The following FGF7 variants were observed in gnomAD, a reference collection of about 807,000 sequenced individuals.
FGF7 encodes FGF-7.
FGF7 carries 6 observed loss-of-function variants against 20.5 expected under a neutral mutation model. That is an observed-to-expected ratio of 0.29 (90% CI 0.16 to 0.58). FGF7 has a LOEUF of 0.58. Ranked by LOEUF, FGF7 falls within the 20% of genes least tolerant of loss-of-function variation. The pLI, the probability that FGF7 is intolerant of heterozygous loss-of-function variation, is 0.90. For synonymous variants in FGF7, 64 were observed against 74.7 expected (o/e 0.86, Z 0.74); for missense variants, 144 against 228.8 (o/e 0.63, Z 2.39).
intron 2 of FGF7, among the ~76,000 whole-genome samples, chr15:49,470,119 G>A (rs62012207): frequency 6.6e-6 from 1 of 152,000 alleles, no homozygotes; most frequent in African/African-American, 2.4e-5. Flanking sequence ...GAAGACCACG[G>A]TATTATGATC....
At chr15:49,478,087 A>G (rs1427109132) in intron 2 of FGF7, among the ~76,000 whole-genome samples, 1 of 152,194 alleles carries the variant, frequency 6.6e-6, no homozygotes, top group Admixed American at 6.5e-5. Flanking sequence ...CCCCGCCAGT[A>G]GTCCCCAGTG....
intron 2 of FGF7, among the ~76,000 whole-genome samples, chr15:49,438,318 T>C (rs1395922015): frequency 6.6e-6 from 1 of 151,744 alleles, no homozygotes; most frequent in African/African-American, 2.4e-5. Flanking sequence ...TATTACTTTG[T>C]TAAAAATTTA....
chr15:49,453,211 TTAATC>T (rs1451190969), intron 2 of FGF7, among the ~76,000 whole-genome samples: 1 of 152,044 alleles, frequency 6.6e-6, no homozygotes, highest in East Asian at 1.9e-4. Context: ...TATGTTCTGT[TTAATC>T]TAATACGTCA....
At chr15:49,448,333 C>A (rs76974081) in intron 2 of FGF7, among the ~76,000 whole-genome samples, 44 of 151,280 alleles carry the variant, frequency 2.9e-4, no homozygotes, top group Non-Finnish European at 5.8e-4. Context: ...TTTTTCTCTT[C>A]CCTTCTCTCC....
chr15:49,479,758 C>T (rs529985702), intron 2 of FGF7, among the ~76,000 whole-genome samples: 1 of 151,986 alleles, frequency 6.6e-6, no homozygotes, highest in South Asian at 2.1e-4. Context: ...GGATTACAGA[C>T]ACCCACCATC....
rs866784539 is a variant in FGF7 at position 49,423,756 on chromosome 15, A to G, written c.-266-276A>G. Among the ~76,000 whole-genome samples, 13 of 152,274 alleles carry G rather than the reference A, an allele frequency of 8.5e-5. No individual in the cohort carries two copies. The South Asian group carries it at 1.7e-3, about 19-fold the overall frequency. On this transcript the variant is annotated intron_variant, in intron 1 of 3. Coordinates refer to ENST00000267843, the MANE Select transcript of FGF7 (RefSeq NM_002009.4). ...AATTGTAAAAACTTAATTTAAATCA[A>G]TAGTTCTGAGTGCAGTATGGTTCTC...
intron 2 of FGF7, among the ~76,000 whole-genome samples, chr15:49,482,277 T>C (rs942424924): frequency 8.5e-5 from 13 of 152,086 alleles, no homozygotes; most frequent in African/African-American, 2.9e-4. Flanking sequence ...ACACAGGATT[T>C]AAGGAAGATA....
chr15:49,468,528 T>C (rs1461228505), intron 2 of FGF7, among the ~76,000 whole-genome samples: 2 of 152,160 alleles, frequency 1.3e-5, no homozygotes, highest in Non-Finnish European at 2.9e-5. Flanking sequence ...AACGACAAGA[T>C]TAGTATTATC....
chr15:49,470,244 T>G (rs994948691), intron 2 of FGF7, among the ~76,000 whole-genome samples: 2 of 27,638 alleles, frequency 7.2e-5, no homozygotes, highest in Admixed American at 8.0e-4. Context: ...TTATAATTCT[T>G]TAACACTGGG....
intron 2 of FGF7, among the ~76,000 whole-genome samples, chr15:49,471,342 G>A (rs1178156813): frequency 6.6e-6 from 1 of 151,748 alleles, no homozygotes; most frequent in Non-Finnish European, 1.5e-5. Context: ...AAAATTAGCT[G>A]GTGTGGTGGC....
chr15:49,466,693 G>C (rs976320053), intron 2 of FGF7, among the ~76,000 whole-genome samples: 1 of 152,162 alleles, frequency 6.6e-6, no homozygotes, highest in Non-Finnish European at 1.5e-5. Context: ...GGACTAATGT[G>C]ATGGCAATGG....
chr15:49,441,027 C>T (rs950335508), intron 2 of FGF7, among the ~76,000 whole-genome samples: 1 of 151,808 alleles, frequency 6.6e-6, no homozygotes, highest in Middle Eastern at 3.4e-3. Context: ...GTGTAAATTA[C>T]CACCAAAACA....
At chr15:49,455,854 C>A (rs981678305) in intron 2 of FGF7, among the ~76,000 whole-genome samples, 1 of 151,718 alleles carries the variant, frequency 6.6e-6, no homozygotes, top group East Asian at 1.9e-4. Flanking sequence ...TGGCTTTTTT[C>A]TTTTTTTTCT....
intron 2 of FGF7, among the ~76,000 whole-genome samples, chr15:49,450,532 T>A (rs1253650665): frequency 1.3e-5 from 2 of 152,150 alleles, no homozygotes; most frequent in Non-Finnish European, 2.9e-5. Flanking sequence ...GTGTAAACTT[T>A]CTCAGAAATA....
intron 2 of FGF7, among the ~76,000 whole-genome samples, chr15:49,458,787 T>C (rs1043467518): frequency 6.6e-6 from 1 of 152,166 alleles, no homozygotes; most frequent in Non-Finnish European, 1.5e-5. Context: ...ATTTATTCTA[T>C]AAATTCAATT....
chr15:49,424,780 A>G, intron 2 of FGF7, 197 bp downstream of exon 2: 2 of 430,148 alleles, frequency 4.6e-6, no homozygotes, highest in African/African-American at 2.0e-5. Flanking sequence ...TACTTACATT[A>G]TAGTTGGACC....
rs144447214 is a variant in FGF7 at position 49,431,426 on chromosome 15, T to C, written c.286+6843T>C. 3.1e-3 allele frequency among the ~76,000 whole-genome samples: 473 copies of C among 151,894 alleles called. 4 individuals are homozygous for C. Among genetic ancestry groups the C allele is most frequent in the African/African-American group, 0.011 (445 of 41,498 alleles). On this transcript the variant is annotated intron_variant, in intron 2 of 3. Coordinates refer to ENST00000267843, the MANE Select transcript of FGF7 (RefSeq NM_002009.4). ...TATGTGTATGAAAGGGTTTGTGTAG[T>C]AATATGTAAAGACAAAGTGATTAAG...
intron 2 of FGF7, among the ~76,000 whole-genome samples, chr15:49,454,640 C>T (rs1264371051): frequency 6.6e-6 from 1 of 152,112 alleles, no homozygotes; most frequent in Non-Finnish European, 1.5e-5. Flanking sequence ...GACGAAGTCT[C>T]GCTCTGTCAC....
Position 49,484,313 on chromosome 15 carries a change from G to A in FGF7, c.394G>A (p.Glu132Lys). Reference sequence around the variant, plus strand: ...GTTTGTTTGTTTGTTTTAACAGAAAGAATGCAATGAAGATTGTAACTTCAA... The same window carrying A: ...GTTTGTTTGTTTGTTTTAACAGAAAAAATGCAATGAAGATTGTAACTTCAA... Reference protein sequence around the residue: ...NKEGKLYAKKECNEDCNFKEL... With the variant: ...NKEGKLYAKKKCNEDCNFKEL... Residue 132 changes from glutamate to lysine, a missense_variant, in exon 4 of 4, where the codon GAA (glutamate) becomes AAA (lysine). Physicochemically the swap from Glu to Lys is moderately conservative, Grantham distance 56. Around this residue, in one of 2 missense-constraint regions of FGF7, gnomAD observed 56 missense variants for 125.4 expected, o/e 0.45. Transcript: ENST00000267843. The A allele has an allele frequency of 6.3e-7, 1 of 1,585,244 alleles. No individual in the cohort carries two copies. The highest frequency in any genetic ancestry group is 8.5e-7 in the Non-Finnish European group (1 of 1,172,896).
Sources: gnomAD v4.1 joint callset for allele counts (sites outside exome capture counted in the v4.1 genomes callset) on GRCh38, gnomAD v4.1.1 for gene constraint, gnomAD v4.1.1 regional missense constraint, MANE v1.5 for transcripts, NCBI Gene and HGNC (gene_info 2026-07-23, HGNC 2026-07-21) for gene names.